BMP5: variants seen among roughly 807,000 people sequenced by gnomAD.
BMP5 encodes bone morphogenetic protein 5.
BMP5 carries 23 observed loss-of-function variants against 46.6 expected under a neutral mutation model. That is an observed-to-expected ratio of 0.49 (90% CI 0.35 to 0.70). BMP5 has a LOEUF of 0.70. Ranked by LOEUF, BMP5 falls within the 30% of genes least tolerant of loss-of-function variation. The pLI is 0.00. For synonymous variants in BMP5, 204 were observed against 191.9 expected (o/e 1.06, Z -0.52); for missense variants, 545 against 565.6 (o/e 0.96, Z 0.37).
intron 2 of BMP5, among the ~76,000 whole-genome samples, chr6:55,804,844 G>A (rs1270543226): frequency 1.3e-5 from 2 of 152,164 alleles, no homozygotes; most frequent in Non-Finnish European, 2.9e-5. Context: ...GATTTTTAAT[G>A]TGATAATCAT....
At chr6:55,805,172 A>G (rs986996621) in intron 2 of BMP5, among the ~76,000 whole-genome samples, 32 of 152,196 alleles carry the variant, frequency 2.1e-4, no homozygotes, top group Non-Finnish European at 4.3e-4. Flanking sequence ...TAAAAATATA[A>G]TTGAACATTT....
At chr6:55,759,436 C>T (rs1012219475) in intron 5 of BMP5, among the ~76,000 whole-genome samples, 3 of 151,440 alleles carry the variant, frequency 2.0e-5, no homozygotes, top group African/African-American at 4.8e-5. Context: ...CATGTATTCA[C>T]GAATAAAACT....
At chr6:55,810,102 A>G (rs547933128) in intron 2 of BMP5, among the ~76,000 whole-genome samples, 1 of 152,142 alleles carries the variant, frequency 6.6e-6, no homozygotes, top group Non-Finnish European at 1.5e-5. Flanking sequence ...AGTTTCCCTC[A>G]TCAGCAGCTT....
chr6:55,837,052 CT>C (rs112520541), intron 1 of BMP5, among the ~76,000 whole-genome samples: 2,612 of 143,826 alleles, frequency 0.018, 61 homozygotes, highest in African/African-American at 0.057. Context: ...TTTAAAGTAA[CT>C]TTTTTTTTTT....
At chr6:55,840,226 T>C (rs1291693609) in intron 1 of BMP5, among the ~76,000 whole-genome samples, 1 of 152,154 alleles carries the variant, frequency 6.6e-6, no homozygotes, top group Non-Finnish European at 1.5e-5. Flanking sequence ...TCTGTGACCT[T>C]GCTGAATCCA....
chr6:55,850,180 C>G (rs1378411265), intron 1 of BMP5, among the ~76,000 whole-genome samples: 1 of 152,048 alleles, frequency 6.6e-6, no homozygotes, highest in African/African-American at 2.4e-5. Flanking sequence ...TTTTATTCAT[C>G]TGTAAAATAG....
At chr6:55,757,159 T>C (rs1041156771) in intron 6 of BMP5, among the ~76,000 whole-genome samples, 3 of 151,938 alleles carry the variant, frequency 2.0e-5, no homozygotes, top group Non-Finnish European at 2.9e-5. Context: ...TGTATTTATT[T>C]ATTTTAAAAA....
chr6:55,783,759 A>G (rs559992556), intron 3 of BMP5, among the ~76,000 whole-genome samples: 1 of 152,108 alleles, frequency 6.6e-6, no homozygotes, highest in Non-Finnish European at 1.5e-5. Flanking sequence ...TATAACAAAC[A>G]ACAAAAACTA....
At chr6:55,812,499 A>T (rs1001284539) in intron 2 of BMP5, among the ~76,000 whole-genome samples, 5 of 152,218 alleles carry the variant, frequency 3.3e-5, no homozygotes, top group African/African-American at 1.2e-4. Context: ...TCCATAAAAC[A>T]TCAGTCCAAA....
At chr6:55,849,543 C>T (rs1211494165) in intron 1 of BMP5, among the ~76,000 whole-genome samples, 3 of 151,914 alleles carry the variant, frequency 2.0e-5, no homozygotes, top group Non-Finnish European at 4.4e-5. Flanking sequence ...TGGAAGGACA[C>T]TGTCTTATTT....
chr6:55,767,401 C>T (rs973506724), intron 4 of BMP5, among the ~76,000 whole-genome samples: 20 of 151,964 alleles, frequency 1.3e-4, no homozygotes, highest in African/African-American at 4.3e-4. Flanking sequence ...TATATAATAA[C>T]TCATTTAATC....
chr6:55,866,376 G>A (rs553045424), intron 1 of BMP5, among the ~76,000 whole-genome samples: 1 of 152,192 alleles, frequency 6.6e-6, no homozygotes, highest in Non-Finnish European at 1.5e-5. Context: ...GGAGAATAAA[G>A]GTAGCAAAGA....
At chr6:55,787,616 T>C (rs1175060045) in intron 3 of BMP5, among the ~76,000 whole-genome samples, 2 of 151,590 alleles carry the variant, frequency 1.3e-5, no homozygotes, top group Non-Finnish European at 3.0e-5. Context: ...AAAAGATGAA[T>C]CCTGTTCTTT....
At chr6:55,792,395 A>G (rs960585417) in intron 3 of BMP5, among the ~76,000 whole-genome samples, 9 of 152,076 alleles carry the variant, frequency 5.9e-5, no homozygotes, top group East Asian at 1.9e-4. Flanking sequence ...TTAGCCGGGC[A>G]TGGTGGCAGG....
chr6:55,852,264 A>C (rs1249959738), intron 1 of BMP5, among the ~76,000 whole-genome samples: 1 of 152,050 alleles, frequency 6.6e-6, no homozygotes. Flanking sequence ...GCTGATTTTT[A>C]TTTTAAGATG....
rs553692650 is a variant in BMP5 at position 55,755,411 on chromosome 6, G to A, written c.*122C>T. The A allele has an allele frequency of 5.5e-6, 5 of 908,588 alleles. No homozygotes were observed. In the East Asian group the frequency reaches 1.3e-4, roughly 24 times the overall value. 56.3% of individuals were successfully genotyped at this position (908,588 alleles called of 1,614,324 possible). On this transcript the variant is annotated 3_prime_UTR_variant, in exon 7 of 7. Transcript: ENST00000370830. ...ACTATATACATGATATTGTACATAG[G>A]AAAAGAGTCAAAATGAGCCAGACTA...
At chr6:55,788,598 T>A (rs1775503215) in intron 3 of BMP5, among the ~76,000 whole-genome samples, 5 of 151,810 alleles carry the variant, frequency 3.3e-5, no homozygotes, top group Admixed American at 3.3e-4. Flanking sequence ...GTCTGTGCAA[T>A]CTCTAGTCCA....
chr6:55,782,064 G>A (rs904985357), intron 3 of BMP5, among the ~76,000 whole-genome samples: 1 of 151,958 alleles, frequency 6.6e-6, no homozygotes, highest in Non-Finnish European at 1.5e-5. Flanking sequence ...ATATGCAGTA[G>A]AGAACTGATA....
intron 6 of BMP5, among the ~76,000 whole-genome samples, chr6:55,757,309 GA>G (rs1315117816): frequency 1.3e-5 from 2 of 151,860 alleles, no homozygotes; most frequent in African/African-American, 4.8e-5. Context: ...TCAAAATGAT[GA>G]TAAAAAGAGG....
Sources: allele counts gnomAD v4.1 joint callset (sites outside exome capture counted in the v4.1 genomes callset), GRCh38; gene constraint gnomAD v4.1.1; transcripts MANE v1.5; gene names NCBI Gene and HGNC (gene_info 2026-07-23, HGNC 2026-07-21).